The following WDR25 variants were observed in gnomAD, a reference collection of about 807,000 sequenced individuals.
The protein encoded by WDR25 is WD repeat-containing protein 25.
Under a neutral mutation model 47.7 loss-of-function variants are expected in WDR25, and 35 were observed. That is an observed-to-expected ratio of 0.73 (90% CI 0.56 to 0.97). The LOEUF (loss-of-function observed/expected upper bound fraction) is 0.97, where lower values mean the gene tolerates loss of function less well. Ranked by LOEUF, WDR25 falls within the 50% of genes least tolerant of loss-of-function variation. The pLI is 0.00. For missense variants in WDR25, 634 were observed against 704.7 expected (o/e 0.90, Z 1.14); for synonymous variants, 248 against 278.9 (o/e 0.89, Z 1.10).
chr14:100,517,106 GTTTTTTTTT>G (rs796096587), intron 4 of WDR25, among the ~76,000 whole-genome samples: 7 of 65,876 alleles, frequency 1.1e-4, no homozygotes, highest in African/African-American at 4.3e-4. Flanking sequence ...TATCTCCTCT[GTTTTTTTTT>G]TTTTTTTTTT....
chr14:100,410,925 G>A (rs988190629), intron 2 of WDR25, among the ~76,000 whole-genome samples: 1 of 151,794 alleles, frequency 6.6e-6, no homozygotes, highest in African/African-American at 2.4e-5. Context: ...TGGGACTACA[G>A]GTGTGCACCA....
At chr14:100,379,676 T>C (rs1034058174) in intron 1 of WDR25, among the ~76,000 whole-genome samples, 6 of 148,854 alleles carry the variant, frequency 4.0e-5, no homozygotes, top group Non-Finnish European at 9.0e-5. Context: ...GTGTGAGCCA[T>C]CACGCCCAGC....
chr14:100,517,910 A>G (rs1940044062), intron 4 of WDR25, among the ~76,000 whole-genome samples: 1 of 152,050 alleles, frequency 6.6e-6, no homozygotes, highest in Admixed American at 6.6e-5. Context: ...TTTACCCCCT[A>G]CCCTGTAAGT....
intron 5 of WDR25, among the ~76,000 whole-genome samples, chr14:100,526,440 A>G (rs1171438108): frequency 6.6e-6 from 1 of 152,124 alleles, no homozygotes; most frequent in African/African-American, 2.4e-5. Flanking sequence ...CAGGGGCCCC[A>G]CAGTTAGAAC....
intron 2 of WDR25, among the ~76,000 whole-genome samples, chr14:100,383,008 C>A (rs1896940613): frequency 6.6e-6 from 1 of 152,252 alleles, no homozygotes; most frequent in Non-Finnish European, 1.5e-5. Context: ...TTTCCTACAT[C>A]TTTTCTCTTG....
rs1421705333 is a variant in WDR25 at position 100,499,420 on chromosome 14, A to G, written c.1101+15296A>G. Among the ~76,000 whole-genome samples the G allele has an allele frequency of 6.6e-6, 1 of 152,244 alleles. No homozygotes were observed. The highest frequency in any genetic ancestry group is 1.9e-4 in the East Asian group (1 of 5,206). ...AACACTAAGGCAAACTTCTCTGCACAATAATTCTTAAACGCAGAATTAGTC... is the reference window on the plus strand; with the variant it reads ...AACACTAAGGCAAACTTCTCTGCACGATAATTCTTAAACGCAGAATTAGTC... On this transcript the variant is annotated intron_variant, in intron 4 of 6. Coordinates refer to ENST00000402312, the MANE Select transcript of WDR25 (RefSeq NM_001161476.3). This position sits in a 1 kb window ranked among gnomAD's most constrained non-coding sequence, Gnocchi z 4.4.
intron 2 of WDR25, among the ~76,000 whole-genome samples, chr14:100,455,882 C>T (rs951832005): frequency 2.6e-5 from 4 of 152,140 alleles, no homozygotes; most frequent in African/African-American, 9.7e-5. Flanking sequence ...ATATTTGGGT[C>T]TCCTCACTCT....
rs1423616329 is a variant in WDR25 at position 100,441,370 on chromosome 14, G to GC, written c.823-26649dup. 3.3e-5 allele frequency among the ~76,000 whole-genome samples: 5 copies of GC among 152,286 alleles called. No individual in the cohort carries two copies. In the South Asian group the frequency reaches 1.0e-3, roughly 32 times the overall value. ...AGGGGAAGACTGGGCCACCCTCACTGCCTAGGGGGTGGGGTGGGGCAGGGA... is the reference window on the plus strand; with the variant it reads ...AGGGGAAGACTGGGCCACCCTCACTGCCCTAGGGGGTGGGGTGGGGCAGGGA... On this transcript the variant is annotated intron_variant, in intron 2 of 6. Coordinates refer to ENST00000402312, the MANE Select transcript of WDR25 (RefSeq NM_001161476.3).
At chr14:100,438,384 C>T (rs367998639) in intron 2 of WDR25, among the ~76,000 whole-genome samples, 11 of 152,182 alleles carry the variant, frequency 7.2e-5, no homozygotes, top group South Asian at 4.1e-4. Flanking sequence ...TAAGAAAATG[C>T]GTTCATTGGC....
At chr14:100,388,290 T>C (rs1208412277) in intron 2 of WDR25, among the ~76,000 whole-genome samples, 1 of 152,162 alleles carries the variant, frequency 6.6e-6, no homozygotes, top group African/African-American at 2.4e-5. Flanking sequence ...GGTAATTAGA[T>C]GAAGGTGAGG....
intron 4 of WDR25, among the ~76,000 whole-genome samples, chr14:100,494,829 C>A (rs1900680794): frequency 6.6e-6 from 1 of 152,150 alleles, no homozygotes; most frequent in Non-Finnish European, 1.5e-5. Context: ...TGTGATAAAC[C>A]CAGCAGGTTA....
intron 2 of WDR25, among the ~76,000 whole-genome samples, chr14:100,383,946 G>C (rs932123919): frequency 6.6e-6 from 1 of 152,234 alleles, no homozygotes; most frequent in Non-Finnish European, 1.5e-5. Flanking sequence ...CCTGCTCCTG[G>C]GCGATTCAGA....
intron 3 of WDR25, among the ~76,000 whole-genome samples, chr14:100,473,690 A>G (rs1595125475): frequency 1.3e-5 from 2 of 152,126 alleles, no homozygotes; most frequent in African/African-American, 4.8e-5. Flanking sequence ...AATGAAAACC[A>G]TGGCAAAGAG....
chr14:100,423,640 A>G (rs1331232342), intron 2 of WDR25, among the ~76,000 whole-genome samples: 5 of 152,198 alleles, frequency 3.3e-5, no homozygotes, highest in Admixed American at 3.3e-4. Context: ...TTCCTCGAAA[A>G]CGGAACTTTT....
At chr14:100,486,042 G>A (rs1900370834) in intron 4 of WDR25, among the ~76,000 whole-genome samples, 2 of 145,846 alleles carry the variant, frequency 1.4e-5, no homozygotes, top group African/African-American at 5.6e-5. Context: ...TGGACACAGT[G>A]GCATTAAAAA....
intron 2 of WDR25, among the ~76,000 whole-genome samples, chr14:100,466,294 C>A (rs1899626760): frequency 6.6e-6 from 1 of 152,160 alleles, no homozygotes; most frequent in South Asian, 2.1e-4. Flanking sequence ...CTTTTGTTTT[C>A]TTAAGTGTAG....
chr14:100,414,710 T>A (rs895724789), intron 2 of WDR25, among the ~76,000 whole-genome samples: 30 of 151,942 alleles, frequency 2.0e-4, no homozygotes, highest in African/African-American at 5.6e-4. Context: ...GCTCATATGG[T>A]AATTGTGTAT....
At position 100,502,556 on chromosome 14, in the gene WDR25, C is replaced by G. The variant is rs1325710925; in HGVS notation, c.1101+18432C>G. ...TGCCAGCTCCAGTTCCACCAGTGTC[C>G]TGGAGCTGCTCACTTTAGAGTTCTT... is the stretch of plus-strand genomic sequence containing the variant. On this transcript the variant is annotated intron_variant, in intron 4 of 6. Coordinates refer to ENST00000402312, the MANE Select transcript of WDR25 (RefSeq NM_001161476.3). This position sits in a 1 kb window ranked among gnomAD's most constrained non-coding sequence, Gnocchi z 4.5. 6.6e-6 allele frequency among the ~76,000 whole-genome samples: 1 copy of G among 152,236 alleles called. No homozygotes were observed. The highest frequency in any genetic ancestry group is 1.5e-5 in the Non-Finnish European group (1 of 68,048).
intron 2 of WDR25, among the ~76,000 whole-genome samples, chr14:100,448,567 G>GT (rs961036285): frequency 1.3e-5 from 2 of 152,136 alleles, no homozygotes; most frequent in Non-Finnish European, 2.9e-5. Flanking sequence ...CATCTGTATA[G>GT]TGGCCCAGTT....
Sources: gnomAD v4.1 joint callset for allele counts (sites outside exome capture counted in the v4.1 genomes callset) on GRCh38, gnomAD v4.1.1 for gene constraint, Gnocchi (gnomAD v3.1) non-coding constraint, MANE v1.5 for transcripts, NCBI Gene and HGNC (gene_info 2026-07-23, HGNC 2026-07-21) for gene names.